Variants in ITPR1 observed in about 807,000 individuals in gnomAD.
ITPR1 encodes the protein inositol 1,4,5-trisphosphate-gated calcium channel ITPR1.
Under a neutral mutation model 318.4 loss-of-function variants are expected in ITPR1, and 96 were observed. The observed-to-expected ratio is 0.30, with a 90% CI of 0.26 to 0.36. The LOEUF is 0.36. Ranked by LOEUF, ITPR1 falls within the 10% of genes least tolerant of loss-of-function variation. ITPR1 has a pLI of 1.00. For missense variants in ITPR1, 2,440 were observed against 3,460.2 expected, an observed-to-expected ratio of 0.71 and a Z score of 7.40; for synonymous variants, 1,312 against 1,289.9, an observed-to-expected ratio of 1.02 and a Z score of -0.37.
chr3:4,543,478 A>T (rs906324404), intron 4 of ITPR1, among the ~76,000 whole-genome samples: 7 of 152,222 alleles, frequency 4.6e-5, no homozygotes, highest in African/African-American at 1.7e-4. Flanking sequence ...CAAAACAGGT[A>T]ATAAATATAC....
At position 4,627,785 on chromosome 3, in the gene ITPR1, CA is replaced by C; in HGVS notation, c.187del (p.Met63Ter). 6.2e-7 allele frequency: 1 copy of C among 1,613,326 alleles called. No homozygotes were observed. The highest frequency in any genetic ancestry group is 8.5e-7 in the Non-Finnish European group (1 of 1,179,442). On this transcript the variant is annotated frameshift_variant, in exon 5 of 62. Coordinates refer to ENST00000649015, the MANE Select transcript of ITPR1 (RefSeq NM_001378452.1). LOFTEE classifies it high-confidence loss of function. ...TAGACTGCCTCTTTAAGCTATGTCC[CA>C]TGAACCGCTACTCTGCCCAAAAGCA... ...FRDCLFKLCP[M>X]NRYSAQKQFW...
intron 4 of ITPR1, among the ~76,000 whole-genome samples, chr3:4,620,485 C>A (rs2092584461): frequency 6.6e-6 from 1 of 152,088 alleles, no homozygotes; most frequent in African/African-American, 2.4e-5. Context: ...AGTTACTAAG[C>A]CTTTCCAGGG....
intron 4 of ITPR1, among the ~76,000 whole-genome samples, chr3:4,551,726 T>C (rs1310076417): frequency 2.0e-5 from 3 of 152,254 alleles, no homozygotes; most frequent in African/African-American, 7.2e-5. Context: ...ATAGTACTTT[T>C]AACAGTTTCT....
chr3:4,685,281 C>G, intron 30 of ITPR1, 75 bp downstream of exon 30: 1 of 1,402,644 alleles, frequency 7.1e-7, no homozygotes, highest in Non-Finnish European at 9.4e-7. Flanking sequence ...CTCTTCACAT[C>G]TGGATATTGT....
chr3:4,841,084 G>T (rs1351814230), intron 61 of ITPR1, among the ~76,000 whole-genome samples: 2 of 151,966 alleles, frequency 1.3e-5, no homozygotes, highest in African/African-American at 4.8e-5. Context: ...TTGGAAAATG[G>T]AATATTAAAC....
intron 60 of ITPR1, among the ~76,000 whole-genome samples, chr3:4,820,333 G>A (rs2049613468): frequency 1.3e-5 from 2 of 152,152 alleles, no homozygotes; most frequent in South Asian, 4.1e-4. Flanking sequence ...TTGTTCTCTT[G>A]TCTCTGAAGT....
At chr3:4,802,304 C>T (rs1355508736) in intron 54 of ITPR1, among the ~76,000 whole-genome samples, 1 of 152,136 alleles carries the variant, frequency 6.6e-6, no homozygotes, top group Non-Finnish European at 1.5e-5. Context: ...AAACTCTGTT[C>T]CCAGTAGTGG....
At chr3:4,576,639 C>T (rs10510295) in intron 4 of ITPR1, among the ~76,000 whole-genome samples, 7,302 of 152,246 alleles carry the variant, frequency 0.048, 244 homozygotes, top group Middle Eastern at 0.078. Flanking sequence ...GATGGCAAAA[C>T]GGGTCATGGC....
chr3:4,557,115 C>G (rs1463233071), intron 4 of ITPR1, among the ~76,000 whole-genome samples: 1 of 152,162 alleles, frequency 6.6e-6, no homozygotes, highest in African/African-American at 2.4e-5. Context: ...GTGTATTAGT[C>G]TGTTCTCACG....
chr3:4,741,076 C>T (rs1277691983), intron 44 of ITPR1, among the ~76,000 whole-genome samples: 2 of 152,164 alleles, frequency 1.3e-5, no homozygotes, highest in African/African-American at 4.8e-5. Flanking sequence ...TTCTATGTTC[C>T]TTCCTCCTAA....
At position 4,693,755 on chromosome 3, in the gene ITPR1, G is replaced by T. The variant is rs772563010; in HGVS notation, c.4281+14G>T. 4 of 1,603,224 alleles carry T rather than the reference G, an allele frequency of 2.5e-6. No individual in the cohort carries two copies. ...TGCATCCCTGAGGTGAGCGAGCCCAGCCTGGCTGTGCCCTTCTCGTTGCTA... is the reference window on the plus strand; with the variant it reads ...TGCATCCCTGAGGTGAGCGAGCCCATCCTGGCTGTGCCCTTCTCGTTGCTA... On this transcript the variant is annotated intron_variant, in intron 33 of 61. Coordinates refer to ENST00000649015, the MANE Select transcript of ITPR1 (RefSeq NM_001378452.1).
chr3:4,524,094 C>A (rs182024308), intron 4 of ITPR1, among the ~76,000 whole-genome samples: 1 of 152,216 alleles, frequency 6.6e-6, no homozygotes, highest in Non-Finnish European at 1.5e-5. Context: ...AGCTCTGCTG[C>A]AGGCTTTGGG....
chr3:4,665,641 C>G (rs1312290221), intron 17 of ITPR1, among the ~76,000 whole-genome samples: 3 of 152,054 alleles, frequency 2.0e-5, no homozygotes, highest in Admixed American at 2.0e-4. Context: ...TCTTTTCTTC[C>G]TGCACCTTTA....
In ITPR1 at chr3:4,820,775, G is replaced by A. The variant is rs766255128; in HGVS notation, c.8028+2533G>A. 2.6e-5 allele frequency among the ~76,000 whole-genome samples: 4 copies of A among 152,188 alleles called. No homozygotes were observed. The East Asian group carries it at 5.8e-4, about 22-fold the overall frequency. On this transcript the variant is annotated intron_variant, in intron 60 of 61. Coordinates refer to ENST00000649015, the MANE Select transcript of ITPR1 (RefSeq NM_001378452.1). The stretch of plus-strand genomic sequence containing the variant: ...TACCGCTAAACGGTGGTGCCTTCTC[G>A]CCTGCGCTGTCTGCTGTTGTGTTTA...
At chr3:4,595,310 C>T (rs1251572553) in intron 4 of ITPR1, among the ~76,000 whole-genome samples, 1 of 152,164 alleles carries the variant, frequency 6.6e-6, no homozygotes, top group Non-Finnish European at 1.5e-5. Context: ...GGAGTGCAGA[C>T]TCATCTTACA....
Position 4,520,638 on chromosome 3 carries a change from G to C in ITPR1, c.93-386G>C, listed in dbSNP as rs565759310. 7.2e-5 allele frequency among the ~76,000 whole-genome samples: 11 copies of C among 152,116 alleles called. No homozygotes were observed. The East Asian group carries it at 1.5e-3, about 21-fold the overall frequency. ...CTTAAGGCTCCTGCACTAGCCTTGA[G>C]CTCCCAAAGAGCAAGGGCCTGGCTC... On this transcript the variant is annotated intron_variant, in intron 3 of 61. Coordinates refer to ENST00000649015, the MANE Select transcript of ITPR1 (RefSeq NM_001378452.1).
intron 4 of ITPR1, among the ~76,000 whole-genome samples, chr3:4,601,929 C>G (rs953934694): frequency 2.3e-4 from 35 of 151,996 alleles, no homozygotes; most frequent in African/African-American, 8.5e-4. Context: ...ATATAAATGG[C>G]TAATAAGCAC....
intron 2 of ITPR1, among the ~76,000 whole-genome samples, chr3:4,514,364 G>A (rs2082040955): frequency 1.3e-5 from 2 of 152,290 alleles, no homozygotes; most frequent in South Asian, 4.1e-4. Context: ...CGTGCTGTAG[G>A]AATGCAATGT....
rs188420514 is a variant in ITPR1 at position 4,807,919 on chromosome 3, G to A, written c.7272+1652G>A. ...TCAGTTGGTGGTCTCTCTCATCCCT[G>A]CCAAGGGCTCTCTCCCAAGAGACAG... On this transcript the variant is annotated intron_variant, in intron 55 of 61. Transcript: ENST00000649015. 1.3e-4 allele frequency among the ~76,000 whole-genome samples: 20 copies of A among 152,286 alleles called. No homozygotes were observed. The East Asian group carries it at 3.5e-3, about 26-fold the overall frequency.
Sources: gnomAD v4.1 joint callset for allele counts (sites outside exome capture counted in the v4.1 genomes callset) on GRCh38, gnomAD v4.1.1 for gene constraint, MANE v1.5 for transcripts, NCBI Gene and HGNC (gene_info 2026-07-23, HGNC 2026-07-21) for gene names.